IKZF1: variants seen among roughly 807,000 people sequenced by gnomAD.
IKZF1 encodes IKAROS family zinc finger 1.
In IKZF1, 10 loss-of-function variants were observed where a neutral mutation model predicts 51.7. The observed-to-expected ratio is 0.19, with a 90% CI of 0.12 to 0.33. The LOEUF (loss-of-function observed/expected upper bound fraction) is 0.33, where lower values mean the gene tolerates loss of function less well. Among genes scored for constraint, IKZF1 ranks in the 10% least tolerant of loss-of-function variants. The probability of loss-of-function intolerance (pLI) is 1.00; values close to 1 mark genes in which losing one functional copy is unlikely to be tolerated. For synonymous variants in IKZF1, 280 were observed against 282.3 expected (o/e 0.99, Z 0.08); for missense variants, 484 against 707.5 (o/e 0.68, Z 3.58).
At chr7:50,352,847 A>G (rs1054180647) in intron 3 of IKZF1, among the ~76,000 whole-genome samples, 77 of 152,360 alleles carry the variant, frequency 5.1e-4, no homozygotes, top group African/African-American at 1.8e-3. Flanking sequence ...CTCAGCCATG[A>G]CATATCATGG....
intron 2 of IKZF1, among the ~76,000 whole-genome samples, chr7:50,319,365 C>A (rs1417645422): frequency 6.6e-6 from 1 of 151,884 alleles, no homozygotes; most frequent in Non-Finnish European, 1.5e-5. Context: ...CATTTTTGTA[C>A]TGTTGGAAGG....
intron 3 of IKZF1, among the ~76,000 whole-genome samples, chr7:50,372,360 C>T (rs951060467): frequency 6.6e-6 from 1 of 152,250 alleles, no homozygotes; most frequent in African/African-American, 2.4e-5. Context: ...CCCACCAAAT[C>T]CTGCCAGCAC....
intron 3 of IKZF1, among the ~76,000 whole-genome samples, chr7:50,357,528 A>C (rs1343066908): frequency 4.6e-5 from 7 of 152,190 alleles, no homozygotes; most frequent in African/African-American, 1.7e-4. Flanking sequence ...GCTGCTTCCC[A>C]GTACCCAGGG....
intron 7 of IKZF1, among the ~76,000 whole-genome samples, chr7:50,392,803 T>C (rs1200818338): frequency 6.6e-6 from 1 of 152,126 alleles, no homozygotes; most frequent in African/African-American, 2.4e-5. Flanking sequence ...GTTGGAGGAA[T>C]GGGGGAATCT....
chr7:50,399,715 T>C (rs74390377), intron 7 of IKZF1, among the ~76,000 whole-genome samples: 2,019 of 152,328 alleles, frequency 0.013, 44 homozygotes, highest in African/African-American at 0.044. Context: ...CGCATGGGCC[T>C]TCCCCCAGCC....
chr7:50,393,457 C>A (rs1815780340), intron 7 of IKZF1, among the ~76,000 whole-genome samples: 1 of 152,212 alleles, frequency 6.6e-6, no homozygotes, highest in Non-Finnish European at 1.5e-5. Flanking sequence ...AGAGGCAAGG[C>A]CAAGTCCTGG....
At chr7:50,399,308 T>G (rs1817513416) in intron 7 of IKZF1, among the ~76,000 whole-genome samples, 1 of 152,158 alleles carries the variant, frequency 6.6e-6, no homozygotes, top group African/African-American at 2.4e-5. Context: ...TACCTTTGGG[T>G]TATTTGTCAA....
At chr7:50,370,219 A>G (rs187162057) in intron 3 of IKZF1, among the ~76,000 whole-genome samples, 22 of 152,376 alleles carry the variant, frequency 1.4e-4, no homozygotes, top group African/African-American at 5.0e-4. Context: ...TTTTCAATGG[A>G]AAAATGCGTT....
At chr7:50,314,755 C>CCAGCAGGTT (rs1202867508) in intron 1 of IKZF1, among the ~76,000 whole-genome samples, 2 of 152,208 alleles carry the variant, frequency 1.3e-5, no homozygotes, top group African/African-American at 4.8e-5. Flanking sequence ...CACAGGAGCC[C>CCAGCAGGTT]CAGCAGGTTC....
chr7:50,364,308 A>G (rs987058609), intron 3 of IKZF1, among the ~76,000 whole-genome samples: 1 of 152,242 alleles, frequency 6.6e-6, no homozygotes, highest in African/African-American at 2.4e-5. Context: ...TGGCAATTCA[A>G]ATAGGATTCA....
At chr7:50,305,458 A>G (rs1217460033) in intron 1 of IKZF1, among the ~76,000 whole-genome samples, 1 of 152,220 alleles carries the variant, frequency 6.6e-6, no homozygotes, top group Non-Finnish European at 1.5e-5. Flanking sequence ...ACTTGCGGTT[A>G]TATTTGAAAT....
chr7:50,338,691 A>G (rs1798357949), intron 3 of IKZF1, among the ~76,000 whole-genome samples: 1 of 152,204 alleles, frequency 6.6e-6, no homozygotes, highest in East Asian at 1.9e-4. Context: ...GAAAGTTTCC[A>G]CAGAACCCGT....
rs1045075310 is a variant in IKZF1 at position 50,404,263 on chromosome 7, A to T, written c.*3636A>T. ...CTGCCCTTCTGGCGAGTACATGCAC[A>T]GGATTGTAAATGAGAAATGCAGTCA... On this transcript the variant is annotated 3_prime_UTR_variant, in exon 8 of 8. Coordinates refer to ENST00000331340, the MANE Select transcript of IKZF1 (RefSeq NM_006060.6). 6 of 220,520 alleles carry T rather than the reference A, an allele frequency of 2.7e-5. No individual in the cohort carries two copies. The highest frequency in any genetic ancestry group is 3.6e-5 in the Non-Finnish European group (4 of 109,728). 13.7% of individuals were successfully genotyped at this position (220,520 alleles called of 1,614,324 possible). A position where few individuals can be genotyped will look rare whatever the true frequency, so the allele number is the denominator to read the frequency against.
intron 3 of IKZF1, among the ~76,000 whole-genome samples, chr7:50,366,796 A>G (rs79688173): frequency 0.032 from 4,851 of 152,270 alleles, 266 homozygotes; most frequent in African/African-American, 0.11. Flanking sequence ...AACAGATTAT[A>G]TAAAGGGTTG....
rs117503895 is a variant in IKZF1, at chr7:50,383,911, A to G, written c.589+1204A>G. Among the ~76,000 whole-genome samples the G allele has an allele frequency of 4.9e-3, 753 of 152,354 alleles. 16 individuals are homozygous for G. Among genetic ancestry groups the G allele is most frequent in the East Asian group, 0.019 (96 of 5,182 alleles). ...TGGTTGAGGGTTTTAGAGGCTGCTCATTGTGTCCATCTCTTTATCACACAT... is the reference window on the plus strand; with the variant it reads ...TGGTTGAGGGTTTTAGAGGCTGCTCGTTGTGTCCATCTCTTTATCACACAT... On this transcript the variant is annotated intron_variant, in intron 5 of 7. Coordinates refer to ENST00000331340, the MANE Select transcript of IKZF1 (RefSeq NM_006060.6).
chr7:50,318,463 G>A, intron 1 of IKZF1: 1 of 229,442 alleles, frequency 4.4e-6, no homozygotes, highest in Non-Finnish European at 8.6e-6. Context: ...GAAAGATTGA[G>A]GGACAAAGAC....
intron 3 of IKZF1, among the ~76,000 whole-genome samples, chr7:50,331,461 A>T (rs1227624018): frequency 2.0e-4 from 30 of 152,160 alleles, no homozygotes; most frequent in Admixed American, 1.4e-3. Flanking sequence ...AAAGTGGGAA[A>T]TTATTTGCTA....
At chr7:50,338,993 A>G (rs932316227) in intron 3 of IKZF1, among the ~76,000 whole-genome samples, 4 of 152,218 alleles carry the variant, frequency 2.6e-5, no homozygotes, top group Non-Finnish European at 1.5e-5. Context: ...CCAACTGGTA[A>G]TATGCGGAAA....
At chr7:50,322,771 A>T (rs1554331545) in intron 2 of IKZF1, among the ~76,000 whole-genome samples, 1 of 152,194 alleles carries the variant, frequency 6.6e-6, no homozygotes, top group Non-Finnish European at 1.5e-5. Flanking sequence ...CTGCATCAGC[A>T]TCCCACCTCT....
Sources: gnomAD v4.1 joint callset for allele counts (sites outside exome capture counted in the v4.1 genomes callset) on GRCh38, gnomAD v4.1.1 for gene constraint, MANE v1.5 for transcripts, NCBI Gene and HGNC (gene_info 2026-07-23, HGNC 2026-07-21) for gene names.